CCDC148: variants seen among roughly 807,000 people sequenced by gnomAD.
CCDC148 encodes coiled-coil domain containing 148.
A neutral mutation model predicts 85.7 loss-of-function variants in CCDC148; 89 were observed. That is an observed-to-expected ratio of 1.04 (90% CI 0.87 to 1.24). CCDC148 has a LOEUF of 1.24. Among genes scored for constraint, CCDC148 ranks in the 50% most tolerant of loss-of-function variants. The pLI, the probability that CCDC148 is intolerant of heterozygous loss-of-function variation, is 0.00. For missense variants in CCDC148, 692 were observed against 671.7 expected, an observed-to-expected ratio of 1.03 and a Z score of -0.33; for synonymous variants, 230 against 213.9, an observed-to-expected ratio of 1.08 and a Z score of -0.66.
intron 1 of CCDC148, among the ~76,000 whole-genome samples, chr2:158,397,130 G>C (rs1324018639): frequency 6.6e-6 from 1 of 151,942 alleles, no homozygotes; most frequent in African/African-American, 2.4e-5. Context: ...GGTGAAGAAG[G>C]CAAGAATCTG....
At chr2:158,278,830 T>C (rs1037619168) in intron 9 of CCDC148, among the ~76,000 whole-genome samples, 2 of 152,352 alleles carry the variant, frequency 1.3e-5, no homozygotes, top group Middle Eastern at 6.8e-3. Context: ...CCTCCTCAAG[T>C]GGGTCTCCGA....
intron 2 of CCDC148, among the ~76,000 whole-genome samples, chr2:158,354,758 G>A (rs4278891): frequency 0.58 from 84,808 of 147,370 alleles, 26,068 homozygotes; most frequent in East Asian, 0.72. Context: ...TACCAAAGCC[G>A]GGCAGAGACA....
chr2:158,408,128 ATATT>A (rs1686103693), intron 1 of CCDC148, among the ~76,000 whole-genome samples: 1 of 152,176 alleles, frequency 6.6e-6, no homozygotes, highest in Admixed American at 6.5e-5. Context: ...GAAATTATAA[ATATT>A]TAAGGTATAA....
At chr2:158,179,106 A>ATT (rs557913954) in intron 11 of CCDC148, 110 bp from the exon 12 acceptor site, 184 of 463,398 alleles carry the variant, frequency 4.0e-4, no homozygotes, top group Middle Eastern at 1.2e-3. Flanking sequence ...GCACTGTCAC[A>ATT]TTTTTTTTTT....
intron 10 of CCDC148, among the ~76,000 whole-genome samples, chr2:158,228,218 C>T (rs1411401469): frequency 6.6e-6 from 1 of 152,194 alleles, no homozygotes; most frequent in Non-Finnish European, 1.5e-5. Context: ...TGCTCATCAT[C>T]ACTGGGCATC....
intron 1 of CCDC148, among the ~76,000 whole-genome samples, chr2:158,403,997 AC>A (rs1292017314): frequency 6.6e-6 from 1 of 152,040 alleles, no homozygotes; most frequent in Admixed American, 6.6e-5. Flanking sequence ...AAATTACTTA[AC>A]CTCTCTTGGC....
intron 1 of CCDC148, among the ~76,000 whole-genome samples, chr2:158,435,276 C>A (rs11674464): frequency 0.074 from 11,199 of 152,288 alleles, 552 homozygotes; most frequent in Middle Eastern, 0.14. Flanking sequence ...AATAGCAGAT[C>A]TCTCGGCAGA....
At chr2:158,178,843 A>G in intron 12 of CCDC148, 36 bp downstream of exon 12, 1 of 1,461,222 alleles carries the variant, frequency 6.8e-7, no homozygotes, top group Non-Finnish European at 9.5e-7. Flanking sequence ...TTTTTTTTAA[A>G]AAAACCACCC....
intron 9 of CCDC148, among the ~76,000 whole-genome samples, chr2:158,279,024 G>A (rs1395662647): frequency 6.6e-6 from 1 of 152,234 alleles, no homozygotes; most frequent in Non-Finnish European, 1.5e-5. Context: ...AACAGGGTCT[G>A]GAGTGGACCT....
chr2:158,365,981 A>T (rs1305339308), intron 1 of CCDC148: 4 of 1,406,160 alleles, frequency 2.8e-6, no homozygotes, highest in Non-Finnish European at 3.9e-6. Flanking sequence ...TCCACTGTAA[A>T]TAATAAAACA....
At chr2:158,312,760 A>G (rs1692096834) in intron 8 of CCDC148, among the ~76,000 whole-genome samples, 2 of 152,172 alleles carry the variant, frequency 1.3e-5, no homozygotes, top group Admixed American at 6.5e-5. Flanking sequence ...TTAAAAATCC[A>G]GAGTGAACTA....
chr2:158,433,075 A>AC (rs1491521525), intron 1 of CCDC148, among the ~76,000 whole-genome samples: 6 of 60,838 alleles, frequency 9.9e-5, no homozygotes, highest in Admixed American at 2.2e-4. Context: ...TCATCTCTAC[A>AC]AAAAAAAAAA....
intron 8 of CCDC148, among the ~76,000 whole-genome samples, chr2:158,310,919 C>T (rs538746542): frequency 4.0e-5 from 6 of 148,688 alleles, no homozygotes; most frequent in South Asian, 2.2e-4. Flanking sequence ...AGACGATGGG[C>T]GGCCGGGCAG....
chr2:158,423,267 T>C (rs1039862571), intron 1 of CCDC148, among the ~76,000 whole-genome samples: 3 of 152,142 alleles, frequency 2.0e-5, no homozygotes, highest in Admixed American at 2.0e-4. Flanking sequence ...GAGCCCACAT[T>C]GCCAAGACAA....
intron 10 of CCDC148, among the ~76,000 whole-genome samples, chr2:158,237,304 TG>T (rs1234752813): frequency 1.3e-5 from 2 of 152,140 alleles, no homozygotes; most frequent in Non-Finnish European, 2.9e-5. Context: ...GGGAAGTCAT[TG>T]ACGTGTTTTC....
intron 9 of CCDC148, among the ~76,000 whole-genome samples, chr2:158,253,643 T>C (rs1033685981): frequency 1.3e-5 from 2 of 151,660 alleles, no homozygotes; most frequent in African/African-American, 4.8e-5. Flanking sequence ...AAGTAACTTT[T>C]ATTTAATCCT....
intron 9 of CCDC148, among the ~76,000 whole-genome samples, chr2:158,293,910 A>C: frequency 6.8e-6 from 1 of 147,038 alleles, no homozygotes; most frequent in Non-Finnish European, 1.5e-5. Context: ...ACTTCTGGAA[A>C]ACCAATGAGG....
At chr2:158,324,364 T>C (rs79658198) in intron 7 of CCDC148, among the ~76,000 whole-genome samples, 8,562 of 152,276 alleles carry the variant, frequency 0.056, 517 homozygotes, top group African/African-American at 0.15. Context: ...TTTAATTACA[T>C]AGCAACATAT....
chr2:158,276,376 G>A (rs1225844252), intron 9 of CCDC148, among the ~76,000 whole-genome samples: 1 of 152,160 alleles, frequency 6.6e-6, no homozygotes, highest in Non-Finnish European at 1.5e-5. Flanking sequence ...GGAGGTTGCA[G>A]TGAGCTGAGA....
Sources: gnomAD v4.1 joint callset for allele counts (sites outside exome capture counted in the v4.1 genomes callset) on GRCh38, gnomAD v4.1.1 for gene constraint, MANE v1.5 for transcripts, NCBI Gene and HGNC (gene_info 2026-07-23, HGNC 2026-07-21) for gene names.